The following PRNP variants were observed in gnomAD, a reference collection of about 807,000 sequenced individuals.
The protein encoded by PRNP is major prion protein.
In PRNP, 15 loss-of-function variants were observed where a neutral mutation model predicts 21.3. That is an observed-to-expected ratio of 0.71 (90% confidence interval 0.47 to 1.09). PRNP has a LOEUF of 1.09. Among genes scored for constraint, PRNP ranks in the 50% least tolerant of loss-of-function variants. PRNP has a pLI of 0.00. For synonymous variants in PRNP, 121 were observed against 123.1 expected (o/e 0.98, Z 0.11); for missense variants, 285 against 340.9 (o/e 0.84, Z 1.29).
rs1004898084 is a variant in PRNP, at chr20:4,700,258, A to G, written c.*276A>G. ...AATAACCATTGGTTAATCTGGACTT[A>G]TTTTTGGACTTAGTGCAACAGGTTG... On this transcript the variant is annotated 3_prime_UTR_variant, in exon 2 of 2. Coordinates refer to ENST00000379440, the MANE Select transcript of PRNP (RefSeq NM_000311.5). The surrounding 1 kb of genome is among the most constrained non-coding windows in gnomAD (Gnocchi z 4.1). 2.9e-6 allele frequency: 3 copies of G among 1,031,522 alleles called. No homozygotes were observed. The highest frequency in any genetic ancestry group is 3.3e-5 in the East Asian group (1 of 30,040). The allele number at this position is 1,031,522 out of a possible 1,614,324, so 63.9% of individuals were successfully genotyped here.
chr20:4,692,849 C>A (rs946768146), intron 1 of PRNP, among the ~76,000 whole-genome samples: 1 of 152,144 alleles, frequency 6.6e-6, no homozygotes, highest in Non-Finnish European at 1.5e-5. Context: ...GGTGCCATGG[C>A]AGGGTGGCTA....
At chr20:4,693,385 G>C (rs577520515) in intron 1 of PRNP, among the ~76,000 whole-genome samples, 82 of 152,168 alleles carry the variant, frequency 5.4e-4, no homozygotes, top group African/African-American at 2.0e-3. Flanking sequence ...TGCCCAGGCT[G>C]GTCTCAAACT....
chr20:4,688,882 C>A (rs1054504039), intron 1 of PRNP, among the ~76,000 whole-genome samples: 1 of 152,138 alleles, frequency 6.6e-6, no homozygotes, highest in African/African-American at 2.4e-5. Flanking sequence ...ATTGCTCTCA[C>A]TAAGGGCGTT....
At position 4,686,927 on chromosome 20, in the gene PRNP, A is replaced by AGGGGC. The variant is rs1195119430; in HGVS notation, c.-11+417_-11+421dup. 6.7e-6 allele frequency among the ~76,000 whole-genome samples: 1 copy of AGGGGC among 149,046 alleles called. No homozygotes were observed. Among genetic ancestry groups the AGGGGC allele is most frequent in the Non-Finnish European group, 1.5e-5 (1 of 67,094 alleles). On this transcript the variant is annotated intron_variant, in intron 1 of 1. Coordinates refer to ENST00000379440, the MANE Select transcript of PRNP (RefSeq NM_000311.5). This position sits in a 1 kb window ranked among gnomAD's most constrained non-coding sequence, Gnocchi z 6.7. ...GGGCTCCGCAGGGCGCGGGGCGGGG[A>AGGGGC]GGGGCGCCTGGGGGCCGCGGGGCTC...
chr20:4,696,677 T>C (rs533543637), intron 1 of PRNP, among the ~76,000 whole-genome samples: 1 of 152,358 alleles, frequency 6.6e-6, no homozygotes, highest in African/African-American at 2.4e-5. Flanking sequence ...TTTCTGAGTG[T>C]ATTCTTAGCA....
rs532149018 is a variant in PRNP, at chr20:4,691,221, A to G, written c.-11+4709A>G. 7.6e-4 allele frequency among the ~76,000 whole-genome samples: 116 copies of G among 152,342 alleles called. 4 individuals are homozygous for G. The highest frequency in any genetic ancestry group is 1.0e-3 in the South Asian group (5 of 4,830). On this transcript the variant is annotated intron_variant, in intron 1 of 1. Coordinates refer to ENST00000379440, the MANE Select transcript of PRNP (RefSeq NM_000311.5). Reference sequence around the variant, plus strand: ...GATAATTAATGTTGTTAAAATGTCCATACTACCCAAAGTGACCTACAGATT... The same window carrying G: ...GATAATTAATGTTGTTAAAATGTCCGTACTACCCAAAGTGACCTACAGATT...
intron 1 of PRNP, among the ~76,000 whole-genome samples, chr20:4,687,738 C>T (rs1921569309): frequency 6.6e-6 from 1 of 152,140 alleles, no homozygotes. Context: ...TTCATGGCCG[C>T]GTTATTTTCT....
intron 1 of PRNP, among the ~76,000 whole-genome samples, chr20:4,689,428 A>G (rs1921681218): frequency 6.6e-6 from 1 of 152,238 alleles, no homozygotes; most frequent in African/African-American, 2.4e-5. Context: ...AGAAATGGCC[A>G]CAGATTTTTA....
chr20:4,699,553 C>A lies in PRNP; in HGVS notation c.333C>A (p.His111Gln). 6.2e-7 allele frequency: 1 copy of A among 1,614,052 alleles called. No homozygotes were observed. The highest frequency in any genetic ancestry group is 1.6e-4 in the Middle Eastern group (1 of 6,062). Residue 111 changes from histidine (H) to glutamine (Q), a missense_variant, in exon 2 of 2, where the codon CAC (histidine) becomes CAA (glutamine). By Grantham distance (24) the His-to-Gln change is conservative. Coordinates refer to ENST00000379440, the MANE Select transcript of PRNP (RefSeq NM_000311.5). This position sits in a 1 kb window ranked among gnomAD's most constrained non-coding sequence, Gnocchi z 5.8. Reference protein sequence around the residue: ...KPSKPKTNMKHMAGAAAAGAV... With the variant: ...KPSKPKTNMKQMAGAAAAGAV... ...GTAAGCCAAAAACCAACATGAAGCA[C>A]ATGGCTGGTGCTGCAGCAGCTGGGG... is the stretch of plus-strand genomic sequence containing the variant.
rs1922228873 is a variant in PRNP, at chr20:4,697,323, T to G, written c.-10-1888T>G. ...AGCGCTCTGTCTAGGAACACTGCTG[T>G]GAACAAAACCAAACTCCCGCCCTAA... is the stretch of plus-strand genomic sequence containing the variant. On this transcript the variant is annotated intron_variant, in intron 1 of 1. Coordinates refer to ENST00000379440, the MANE Select transcript of PRNP (RefSeq NM_000311.5). The surrounding 1 kb of genome is among the most constrained non-coding windows in gnomAD (Gnocchi z 4.6). Among the ~76,000 whole-genome samples, 1 of 152,192 alleles carries G rather than the reference T, an allele frequency of 6.6e-6. No homozygotes were observed. The highest frequency in any genetic ancestry group is 6.5e-5 in the Admixed American group (1 of 15,286).
chr20:4,695,219 T>C (rs969010169), intron 1 of PRNP, among the ~76,000 whole-genome samples: 2 of 152,154 alleles, frequency 1.3e-5, no homozygotes, highest in African/African-American at 4.8e-5. Flanking sequence ...GGGTTTGTCA[T>C]ACAGATTATT....
intron 1 of PRNP, among the ~76,000 whole-genome samples, chr20:4,689,005 C>T (rs1454590918): frequency 1.3e-5 from 2 of 152,064 alleles, no homozygotes; most frequent in Non-Finnish European, 2.9e-5. Context: ...TTTTAGCCAA[C>T]GTTGTTTCCT....
chr20:4,697,251 C>T lies in PRNP; in HGVS notation c.-10-1960C>T, dbSNP rs1044521551. Among the ~76,000 whole-genome samples, 1 of 152,070 alleles carries T rather than the reference C, an allele frequency of 6.6e-6. No individual in the cohort carries two copies. Among genetic ancestry groups the T allele is most frequent in the African/African-American group, 2.4e-5 (1 of 41,406 alleles). On this transcript the variant is annotated intron_variant, in intron 1 of 1. Coordinates refer to ENST00000379440, the MANE Select transcript of PRNP (RefSeq NM_000311.5). This position sits in a 1 kb window ranked among gnomAD's most constrained non-coding sequence, Gnocchi z 4.6. ...CCTTATGCTTTATAACATGTGTTTT[C>T]CCATTCATTCATTTATCCAGCATTT...
At position 4,700,987 on chromosome 20, in the gene PRNP, TTC is replaced by T. The variant is rs1000904029; in HGVS notation, c.*1007_*1008del. ...AAAAGAACTGCTTGCATTTCTTTAT[TTC>T]TGTCTCATAATTGTCAAAAACCAGA... On this transcript the variant is annotated 3_prime_UTR_variant, in exon 2 of 2. Transcript: ENST00000379440. The surrounding 1 kb of genome is among the most constrained non-coding windows in gnomAD (Gnocchi z 4.1). 28 of 167,082 alleles carry T rather than the reference TTC, an allele frequency of 1.7e-4. No homozygotes were observed. The highest frequency in any genetic ancestry group is 5.8e-4 in the African/African-American group (24 of 41,582). 10.3% of individuals were successfully genotyped at this position (167,082 alleles called of 1,614,324 possible).
intron 1 of PRNP, among the ~76,000 whole-genome samples, chr20:4,694,221 C>A (rs1043810610): frequency 6.7e-6 from 1 of 150,070 alleles, no homozygotes; most frequent in Non-Finnish European, 1.5e-5. Flanking sequence ...CACATACTGG[C>A]TGGGCATGGT....
chr20:4,691,315 G>A (rs1323199705), intron 1 of PRNP, among the ~76,000 whole-genome samples: 2 of 152,116 alleles, frequency 1.3e-5, no homozygotes, highest in African/African-American at 4.8e-5. Context: ...CTAAAATTGG[G>A]TGAAGGTGGC....
chr20:4,690,776 C>T (rs764258668), intron 1 of PRNP, among the ~76,000 whole-genome samples: 3 of 152,152 alleles, frequency 2.0e-5, no homozygotes, highest in Non-Finnish European at 2.9e-5. Flanking sequence ...AATGCTCACA[C>T]GCACTAGTTC....
intron 1 of PRNP, among the ~76,000 whole-genome samples, chr20:4,688,236 A>G (rs1326447903): frequency 6.6e-6 from 1 of 152,314 alleles, no homozygotes; most frequent in East Asian, 1.9e-4. Context: ...AGTAACAGCA[A>G]CCCTTGCTGG....
chr20:4,699,810 A>C lies in PRNP; in HGVS notation c.590A>C (p.Asn197Thr). Reference sequence around the variant, plus strand: ...GTCACCACAACCACCAAGGGGGAGAACTTCACCGAGACCGACGTTAAGATG... The same window carrying C: ...GTCACCACAACCACCAAGGGGGAGACCTTCACCGAGACCGACGTTAAGATG... Reference protein sequence around the residue: ...HTVTTTTKGENFTETDVKMME... With the variant: ...HTVTTTTKGETFTETDVKMME... The change falls in exon 2 of 2, where the codon AAC becomes ACC. Residue 197 changes from asparagine to threonine, a missense_variant. Physicochemically the swap from Asn to Thr is moderately conservative, Grantham distance 65. Coordinates refer to ENST00000379440, the MANE Select transcript of PRNP (RefSeq NM_000311.5). This position sits in a 1 kb window ranked among gnomAD's most constrained non-coding sequence, Gnocchi z 5.8. 6.2e-7 allele frequency: 1 copy of C among 1,613,778 alleles called. No individual in the cohort carries two copies. The highest frequency in any genetic ancestry group is 1.6e-4 in the Middle Eastern group (1 of 6,062).
Sources: gnomAD v4.1 joint callset for allele counts (sites outside exome capture counted in the v4.1 genomes callset) on GRCh38, gnomAD v4.1.1 for gene constraint, Gnocchi (gnomAD v3.1) non-coding constraint, MANE v1.5 for transcripts, NCBI Gene and HGNC (gene_info 2026-07-23, HGNC 2026-07-21) for gene names.